Variants in L3MBTL4 observed in about 807,000 individuals in gnomAD.
L3MBTL4 encodes the protein L3MBTL histone methyl-lysine binding protein 4, also known as lethal(3)malignant brain tumor-like protein 4.
In L3MBTL4, 70 loss-of-function variants were observed where a neutral mutation model predicts 84.5. That is an observed-to-expected ratio of 0.83 (90% CI 0.68 to 1.01). L3MBTL4 has a LOEUF of 1.01. L3MBTL4 is among the 50% of genes least tolerant of loss of function. The pLI, the probability that L3MBTL4 is intolerant of heterozygous loss-of-function variation, is 0.00. For missense variants in L3MBTL4, 715 were observed against 754.8 expected, an observed-to-expected ratio of 0.95 and a Z score of 0.62; for synonymous variants, 274 against 259.8, an observed-to-expected ratio of 1.05 and a Z score of -0.52.
chr18:5,971,670 C>T (rs1185197204), intron 16 of L3MBTL4, among the ~76,000 whole-genome samples: 2 of 152,176 alleles, frequency 1.3e-5, no homozygotes, highest in Non-Finnish European at 2.9e-5. Context: ...GTGTGCTCCC[C>T]AGCAGGAAAA....
chr18:6,074,574 C>T (rs1379182601), intron 16 of L3MBTL4, among the ~76,000 whole-genome samples: 1 of 152,196 alleles, frequency 6.6e-6, no homozygotes, highest in Non-Finnish European at 1.5e-5. Context: ...AGAGCCAGTG[C>T]TTTGTGCAAT....
chr18:6,085,265 T>TA (rs11386752), intron 15 of L3MBTL4, among the ~76,000 whole-genome samples: 56,920 of 152,088 alleles, frequency 0.37, 13,141 homozygotes, highest in African/African-American at 0.66. Flanking sequence ...TTGAATGAGT[T>TA]CGGTATGCCT....
chr18:6,120,576 CACT>C (rs2059493026), intron 14 of L3MBTL4, among the ~76,000 whole-genome samples: 1 of 152,172 alleles, frequency 6.6e-6, no homozygotes, highest in African/African-American at 2.4e-5. Flanking sequence ...CTAGAACAAC[CACT>C]AAGTCAGAAA....
In L3MBTL4 at chr18:6,181,779, A is replaced by G. The variant is rs192821464; in HGVS notation, c.982-9837T>C. 3.3e-3 allele frequency among the ~76,000 whole-genome samples: 505 copies of G among 152,238 alleles called. 1 individual carries two copies. Among genetic ancestry groups the G allele is most frequent in the Middle Eastern group, 0.01 (3 of 294 alleles). The stretch of plus-strand genomic sequence containing the variant: ...ACGTGGTATTTGTTTTTCGGTTTCT[A>G]TATTAGTTCACTTAGGATAACGGTC... On this transcript the variant is annotated intron_variant, in intron 12 of 18. Transcript: ENST00000317931.
intron 16 of L3MBTL4, among the ~76,000 whole-genome samples, chr18:6,057,762 T>C (rs1314464600): frequency 1.3e-5 from 2 of 151,976 alleles, no homozygotes; most frequent in African/African-American, 4.8e-5. Flanking sequence ...ATAAATAAAG[T>C]CCATGACAAA....
intron 14 of L3MBTL4, among the ~76,000 whole-genome samples, chr18:6,108,978 AT>A (rs2059102728): frequency 6.6e-6 from 1 of 152,182 alleles, no homozygotes; most frequent in African/African-American, 2.4e-5. Context: ...AAATATTGGT[AT>A]TCTCCAGGGT....
chr18:6,319,602 A>T (rs2051299755), intron 1 of L3MBTL4, among the ~76,000 whole-genome samples: 1 of 152,122 alleles, frequency 6.6e-6, no homozygotes, highest in South Asian at 2.1e-4. Flanking sequence ...AACCTTGAAC[A>T]GACCAGTAAC....
intron 14 of L3MBTL4, among the ~76,000 whole-genome samples, chr18:6,137,523 T>G (rs1330075366): frequency 1.3e-5 from 2 of 152,228 alleles, no homozygotes; most frequent in Non-Finnish European, 2.9e-5. Context: ...CTTTTCTATG[T>G]TTGTTTACAT....
chr18:6,084,133 G>A (rs1244597863), intron 15 of L3MBTL4, among the ~76,000 whole-genome samples: 8 of 152,168 alleles, frequency 5.3e-5, no homozygotes, highest in Admixed American at 5.2e-4. Context: ...GAAGAACTAG[G>A]ATTTGAATTT....
At chr18:6,200,006 A>C (rs2045583158) in intron 12 of L3MBTL4, among the ~76,000 whole-genome samples, 1 of 152,174 alleles carries the variant, frequency 6.6e-6, no homozygotes, top group African/African-American at 2.4e-5. Flanking sequence ...ACACCCCTGG[A>C]AGGAGGAAGC....
At chr18:6,364,696 T>C (rs2053855130) in intron 1 of L3MBTL4, among the ~76,000 whole-genome samples, 1 of 152,152 alleles carries the variant, frequency 6.6e-6, no homozygotes, top group Non-Finnish European at 1.5e-5. Flanking sequence ...AAATGATATA[T>C]TTTGTGGCAT....
chr18:6,319,659 G>A (rs1344719310), intron 1 of L3MBTL4, among the ~76,000 whole-genome samples: 1 of 151,776 alleles, frequency 6.6e-6, no homozygotes, highest in Non-Finnish European at 1.5e-5. Context: ...ACAAAAAAAA[G>A]CACAGAGCAA....
At chr18:6,266,099 T>TA (rs746073187) in intron 4 of L3MBTL4, among the ~76,000 whole-genome samples, 22 of 152,230 alleles carry the variant, frequency 1.4e-4, no homozygotes, top group Admixed American at 9.2e-4. Context: ...CATTTAAAAA[T>TA]AAAAAAACAT....
intron 4 of L3MBTL4, among the ~76,000 whole-genome samples, chr18:6,274,683 A>G (rs1231827559): frequency 1.2e-4 from 18 of 152,204 alleles, no homozygotes; most frequent in Non-Finnish European, 2.4e-4. Context: ...ATTTTTTTAA[A>G]AAAGATACTA....
At chr18:5,976,891 C>T (rs1448268086) in intron 16 of L3MBTL4, among the ~76,000 whole-genome samples, 1 of 152,172 alleles carries the variant, frequency 6.6e-6, no homozygotes. Context: ...TCACTCAATG[C>T]TAAAGGAGTG....
At chr18:6,056,247 T>C (rs1381571859) in intron 16 of L3MBTL4, among the ~76,000 whole-genome samples, 1 of 152,152 alleles carries the variant, frequency 6.6e-6, no homozygotes, top group African/African-American at 2.4e-5. Flanking sequence ...TCAGAGACAC[T>C]GAAATGGCTT....
chr18:6,148,168 G>A (rs908557751), intron 13 of L3MBTL4, among the ~76,000 whole-genome samples: 1 of 152,136 alleles, frequency 6.6e-6, no homozygotes, highest in Non-Finnish European at 1.5e-5. Flanking sequence ...CAATAAAGAA[G>A]AGAAAATTGT....
chr18:6,109,799 T>C (rs1480758127), intron 14 of L3MBTL4, among the ~76,000 whole-genome samples: 1 of 152,172 alleles, frequency 6.6e-6, no homozygotes, highest in African/African-American at 2.4e-5. Context: ...TATTTAAAAA[T>C]GAGAGAGATT....
intron 13 of L3MBTL4, among the ~76,000 whole-genome samples, chr18:6,142,417 A>T: frequency 6.6e-6 from 1 of 152,248 alleles, no homozygotes; most frequent in Admixed American, 6.5e-5. Context: ...CCAATGTGTC[A>T]TGATATTAAA....
Sources: allele counts gnomAD v4.1 joint callset (sites outside exome capture counted in the v4.1 genomes callset), GRCh38; gene constraint gnomAD v4.1.1; transcripts MANE v1.5; gene names NCBI Gene and HGNC (gene_info 2026-07-23, HGNC 2026-07-21).